The following UTP20 variants were observed in gnomAD, a reference collection of about 807,000 sequenced individuals.
UTP20 encodes the protein small subunit processome component 20 homolog.
Under a neutral mutation model 329.5 loss-of-function variants are expected in UTP20, and 164 were observed. The observed-to-expected ratio is 0.50, with a 90% CI of 0.44 to 0.57. The LOEUF is 0.57. Among genes scored for constraint, UTP20 ranks in the 20% least tolerant of loss-of-function variants. The pLI, the probability that UTP20 is intolerant of heterozygous loss-of-function variation, is 0.00. For synonymous variants in UTP20, 1,151 were observed against 1,159.3 expected, an observed-to-expected ratio of 0.99 and a Z score of 0.14; for missense variants, 3,055 against 3,284.2, an observed-to-expected ratio of 0.93 and a Z score of 1.71.
At chr12:101,309,641 T>C (rs1872727245) in intron 18 of UTP20, 122 bp from the exon 19 acceptor site, 2 of 865,292 alleles carry the variant, frequency 2.3e-6, no homozygotes, top group South Asian at 2.1e-5. Flanking sequence ...CAACTTTTTT[T>C]CTTATCGCAC....
At chr12:101,295,700 C>T in intron 12 of UTP20, 42 bp downstream of exon 12, 1 of 1,523,922 alleles carries the variant, frequency 6.6e-7, no homozygotes, top group African/African-American at 1.4e-5. Flanking sequence ...GATAAGTTTA[C>T]CCATTTAAAT....
chr12:101,372,941 G>T lies in UTP20; in HGVS notation c.6856G>T (p.Glu2286Ter). The T allele has an allele frequency of 6.2e-7, 1 of 1,614,110 alleles. No homozygotes were observed. The highest frequency in any genetic ancestry group is 8.5e-7 in the Non-Finnish European group (1 of 1,180,004). ...GGGTGACAAATTGAGACCAAACTTG[G>T]AATTCATGCTCGCTCAACTGAAGTA... Reference protein sequence around the residue: ...PLGDKLRPNLEFMLAQLNYEH... With the variant: ...PLGDKLRPNL Residue 2286 changes from glutamate (E) to a stop codon, truncating the protein, a stop_gained, in exon 52 of 62, where the codon GAA becomes TAA. Transcript: ENST00000261637. LOFTEE classifies it high-confidence loss of function.
chr12:101,359,446 C>G (rs79578178), intron 43 of UTP20, among the ~76,000 whole-genome samples: 7,480 of 151,370 alleles, frequency 0.049, 221 homozygotes, highest in South Asian at 0.066. Flanking sequence ...GTTTATTTTT[C>G]TCCCACTGGT....
intron 12 of UTP20, among the ~76,000 whole-genome samples, chr12:101,296,268 A>G (rs1274743253): frequency 1.3e-5 from 2 of 152,156 alleles, no homozygotes; most frequent in Admixed American, 6.5e-5. Flanking sequence ...TCCTCATGCT[A>G]CCTTTTAATA....
intron 22 of UTP20, among the ~76,000 whole-genome samples, chr12:101,318,480 A>G (rs1388674955): frequency 1.3e-5 from 2 of 152,196 alleles, no homozygotes; most frequent in Non-Finnish European, 2.9e-5. Flanking sequence ...GTCATAGTCA[A>G]TCCTGCCTGG....
At position 101,352,045 on chromosome 12, in the gene UTP20, T is replaced by G; in HGVS notation, c.4885-10T>G. 6.2e-7 allele frequency: 1 copy of G among 1,612,224 alleles called. No individual in the cohort carries two copies. Among genetic ancestry groups the G allele is most frequent in the Admixed American group, 1.7e-5 (1 of 59,754 alleles). On this transcript the variant is annotated splice_polypyrimidine_tract_variant and intron_variant, in intron 38 of 61. Coordinates refer to ENST00000261637, the MANE Select transcript of UTP20 (RefSeq NM_014503.3). ...TTGTTCTGCATTGATGTTCTTGATT[T>G]GTTTTACAGCATGAAAATATAACCA...
At chr12:101,360,066 GC>G (rs1188764773) in intron 43 of UTP20, among the ~76,000 whole-genome samples, 7 of 152,214 alleles carry the variant, frequency 4.6e-5, no homozygotes, top group Non-Finnish European at 8.8e-5. Context: ...TAAATGAGTA[GC>G]CCTTTTTTTC....
chr12:101,308,363 A>G lies in UTP20; in HGVS notation c.2154+20A>G. On this transcript the variant is annotated intron_variant, in intron 18 of 61. Coordinates refer to ENST00000261637, the MANE Select transcript of UTP20 (RefSeq NM_014503.3). Reference sequence around the variant, plus strand: ...CAGGAGGTAAAAATAGTGTTCTTTTATTTTTCCTTTTTAATTCATGCTTTA... The same window carrying G: ...CAGGAGGTAAAAATAGTGTTCTTTTGTTTTTCCTTTTTAATTCATGCTTTA... The G allele has an allele frequency of 1.4e-6, 2 of 1,404,026 alleles. No individual in the cohort carries two copies. Among genetic ancestry groups the G allele is most frequent in the Non-Finnish European group, 1.9e-6 (2 of 1,075,340 alleles). The allele number at this position is 1,404,026 out of a possible 1,614,324, so 87.0% of individuals were successfully genotyped here. A position where few individuals can be genotyped will look rare whatever the true frequency, so the allele number is the denominator to read the frequency against.
chr12:101,340,978 T>TTTTTTTTTTTTTTTG (rs1446371106), intron 32 of UTP20, among the ~76,000 whole-genome samples: 1 of 63,054 alleles, frequency 1.6e-5, no homozygotes, highest in Non-Finnish European at 2.8e-5. Context: ...TTTTTTTTTT[T>TTTTTTTTTTTTTTTG]TTTTTTTTTT....
At chr12:101,352,835 AAG>A (rs1869580486) in intron 39 of UTP20, among the ~76,000 whole-genome samples, 1 of 151,738 alleles carries the variant, frequency 6.6e-6, no homozygotes, top group African/African-American at 2.4e-5. Flanking sequence ...ATTTAAAAAA[AAG>A]TAATTTAAAA....
rs1869550110 is a variant in UTP20 at position 101,352,185 on chromosome 12, T to C, written c.5015T>C (p.Leu1672Pro). ...CAAACGGGACAGATCAATCAAAAACTGGGTGTCAGGTGTGGTCAAACTTCT... is the reference window on the plus strand; with the variant it reads ...CAAACGGGACAGATCAATCAAAAACCGGGTGTCAGGTGTGGTCAAACTTCT... ...VLQTGQINQK[L>P]GVSLLVIVLE... is the part of the protein sequence containing the mutation. Residue 1672 changes from leucine to proline, a missense_variant, in exon 39 of 62, where the codon CTG becomes CCG. This residue lies in a region of UTP20 where 2,445 missense variants were observed against 2,575.5 expected (regional missense o/e 0.95). Coordinates refer to ENST00000261637, the MANE Select transcript of UTP20 (RefSeq NM_014503.3). 6.2e-7 allele frequency: 1 copy of C among 1,607,644 alleles called. No homozygotes were observed. Among genetic ancestry groups the C allele is most frequent in the Non-Finnish European group, 8.5e-7 (1 of 1,178,688 alleles).
chr12:101,362,543 A>ATGT lies in UTP20; in HGVS notation c.5790+483_5790+484insTGT, dbSNP rs1869963295. On this transcript the variant is annotated intron_variant, in intron 44 of 61. Coordinates refer to ENST00000261637, the MANE Select transcript of UTP20 (RefSeq NM_014503.3). ...ACATGGTGAAACCCCGTCTCTAAGA[A>ATGT]AAATACAAAAACTAGCCAGGCATGG... is the stretch of plus-strand genomic sequence containing the variant. Among the ~76,000 whole-genome samples the ATGT allele has an allele frequency of 1.5e-5, 2 of 133,778 alleles. 1 individual carries two copies. The highest frequency in any genetic ancestry group is 7.6e-5 in the African/African-American group (2 of 26,350). The allele number at this position is 133,778 out of a possible 152,430, so 87.8% of individuals were successfully genotyped here.
chr12:101,327,177 C>A lies in UTP20; in HGVS notation c.3138C>A (p.Ala1046=), dbSNP rs201637301. Residue 1046 remains alanine (A), a synonymous_variant, in exon 26 of 62, where the codon GCC becomes GCA. Coordinates refer to ENST00000261637, the MANE Select transcript of UTP20 (RefSeq NM_014503.3). ...TRMAIVLRFL[A]GTQPEEIQIF... ...TGGCCATTGTCCTGCGGTTCCTGGCCGGGACCCAACCTGAGGAGATCCAGA... is the reference window on the plus strand; with the variant it reads ...TGGCCATTGTCCTGCGGTTCCTGGCAGGGACCCAACCTGAGGAGATCCAGA... 1.5e-5 allele frequency: 25 copies of A among 1,613,032 alleles called. No individual in the cohort carries two copies. The African/African-American group carries it at 2.9e-4, about 19-fold the overall frequency.
rs764027603 is a variant in UTP20, at chr12:101,299,990, A to G, written c.1604A>G (p.Lys535Arg). ...TTGGACAGACCTCTTGAGAAAGAGA[A>G]GGTGATACCACTCGTCACCGGCTTC... Reference protein sequence around the residue: ...LPHIRPLEKEKVIPLVTGFIE... With the variant: ...LPHIRPLEKERVIPLVTGFIE... The change falls in exon 14 of 62, where the codon AAG becomes AGG. Residue 535 changes from lysine (K) to arginine (R), a missense_variant. Coordinates refer to ENST00000261637, the MANE Select transcript of UTP20 (RefSeq NM_014503.3). 1.8e-5 allele frequency: 29 copies of G among 1,614,062 alleles called. No homozygotes were observed. Among genetic ancestry groups the G allele is most frequent in the Admixed American group, 1.0e-4 (6 of 60,002 alleles).
chr12:101,362,241 G>T (rs1272263551), intron 44 of UTP20, among the ~76,000 whole-genome samples, 181 bp downstream of exon 44: 2 of 152,174 alleles, frequency 1.3e-5, no homozygotes, highest in Admixed American at 6.5e-5. Context: ...CTCTGTCACT[G>T]CAAGGAGGTC....
chr12:101,376,385 G>A (rs1034525693), intron 56 of UTP20, among the ~76,000 whole-genome samples: 19 of 152,116 alleles, frequency 1.2e-4, no homozygotes, highest in African/African-American at 4.6e-4. Flanking sequence ...ATTGTTATGC[G>A]ATTTTGTTGT....
At chr12:101,320,085 T>C (rs1411348554) in intron 23 of UTP20, among the ~76,000 whole-genome samples, 4 of 152,248 alleles carry the variant, frequency 2.6e-5, no homozygotes, top group African/African-American at 9.6e-5. Context: ...AAAATTAATA[T>C]CAGAAATGAA....
chr12:101,368,124 G>T, intron 48 of UTP20, 148 bp downstream of exon 48: 1 of 593,732 alleles, frequency 1.7e-6, no homozygotes, highest in Non-Finnish European at 3.0e-6. Flanking sequence ...TGGGGTTTTT[G>T]GGTTTTTTTT....
At chr12:101,339,055 G>A (rs927827303) in intron 31 of UTP20, 98 bp downstream of exon 31, 17 of 1,285,624 alleles carry the variant, frequency 1.3e-5, no homozygotes, top group Non-Finnish European at 1.6e-5. Context: ...GCTCACACCT[G>A]TAATCCCAGC....
Sources: gnomAD v4.1 joint callset for allele counts (sites outside exome capture counted in the v4.1 genomes callset) on GRCh38, gnomAD v4.1.1 for gene constraint, gnomAD v4.1.1 regional missense constraint, MANE v1.5 for transcripts, NCBI Gene and HGNC (gene_info 2026-07-23, HGNC 2026-07-21) for gene names.